Variants in DLGAP2 observed in about 807,000 individuals in gnomAD.
DLGAP2 encodes the protein disks large-associated protein 2.
DLGAP2 carries 26 observed loss-of-function variants against 100.3 expected under a neutral mutation model. That is an observed-to-expected ratio of 0.26 (90% CI 0.19 to 0.36). The LOEUF (loss-of-function observed/expected upper bound fraction) is 0.36. DLGAP2 is among the 10% of genes least tolerant of loss of function. DLGAP2 has a pLI of 1.00. For synonymous variants in DLGAP2, 886 were observed against 630.1 expected, an observed-to-expected ratio of 1.41 and a Z score of -6.08; for missense variants, 1,858 against 1,453.2, an observed-to-expected ratio of 1.28 and a Z score of -4.53.
intron 3 of DLGAP2, chr8:1,297,182 C>G (rs190072477): frequency 6.6e-6 from 1 of 152,318 alleles, no homozygotes; most frequent in East Asian, 1.9e-4. Context: ...GCAATCACAG[C>G]GATGAGAATG....
At chr8:1,178,188 GATAGTAGTTAAATGTGC>G in intron 2 of DLGAP2, among the ~76,000 whole-genome samples, 1 of 152,374 alleles carries the variant, frequency 6.6e-6, no homozygotes, top group African/African-American at 2.4e-5. Flanking sequence ...AATTCAGGAA[GATAGTAGTTAAATGTGC>G]ATAAGCAGGT....
At chr8:1,157,853 C>T (rs1366179701) in intron 2 of DLGAP2, among the ~76,000 whole-genome samples, 1 of 152,190 alleles carries the variant, frequency 6.6e-6, no homozygotes. Flanking sequence ...CAAAGCATGT[C>T]CCAGGCGCTA....
chr8:1,290,198 C>T (rs1585226862), intron 3 of DLGAP2, among the ~76,000 whole-genome samples: 1 of 152,296 alleles, frequency 6.6e-6, no homozygotes, highest in East Asian at 1.9e-4. Context: ...GTCAGCTAGA[C>T]TCGAACAAAA....
At position 1,557,619 on chromosome 8, in the gene DLGAP2, C is replaced by T. The variant is rs139866949; in HGVS notation, c.1230+7936C>T. Among the ~76,000 whole-genome samples, 305 of 152,272 alleles carry T rather than the reference C, an allele frequency of 2.0e-3. 2 individuals carry two copies. Among genetic ancestry groups the T allele is most frequent in the African/African-American group, 6.8e-3 (284 of 41,560 alleles). ...GCTCGGGTGCCATGACGGGCATACACACCCGGGGGGCGTGTAAAGGCACAT... is the reference window on the plus strand; with the variant it reads ...GCTCGGGTGCCATGACGGGCATACATACCCGGGGGGCGTGTAAAGGCACAT... On this transcript the variant is annotated intron_variant, in intron 5 of 14. Transcript: ENST00000637795.
chr8:1,465,550 G>T (rs1204645849), intron 3 of DLGAP2, among the ~76,000 whole-genome samples: 1 of 152,308 alleles, frequency 6.6e-6, no homozygotes, highest in South Asian at 2.1e-4. Flanking sequence ...AAGGGAAGGG[G>T]CATGGAGTTT....
intron 1 of DLGAP2, among the ~76,000 whole-genome samples, chr8:808,366 C>A (rs1009793874): frequency 2.0e-5 from 3 of 152,102 alleles, no homozygotes; most frequent in African/African-American, 7.2e-5. Context: ...TGGTGTGGGG[C>A]CCTTATTTCC....
intron 4 of DLGAP2, among the ~76,000 whole-genome samples, chr8:1,531,992 G>T (rs573233070): frequency 1.3e-5 from 2 of 152,196 alleles, no homozygotes; most frequent in African/African-American, 4.8e-5. Context: ...ATTAATATAC[G>T]TAAGAAGTAC....
chr8:1,139,172 C>T (rs1383868276), intron 2 of DLGAP2, among the ~76,000 whole-genome samples: 2 of 152,194 alleles, frequency 1.3e-5, no homozygotes, highest in African/African-American at 4.8e-5. Flanking sequence ...GGGTGGCCTG[C>T]TGGGCTGCCT....
chr8:833,609 C>G (rs1215923521), intron 1 of DLGAP2, among the ~76,000 whole-genome samples: 1 of 152,212 alleles, frequency 6.6e-6, no homozygotes, highest in Non-Finnish European at 1.5e-5. Flanking sequence ...TCCAGGATCA[C>G]CCCTGTCTCA....
intron 6 of DLGAP2, among the ~76,000 whole-genome samples, chr8:1,595,882 A>G (rs1796442720): frequency 7.3e-6 from 1 of 137,826 alleles, no homozygotes; most frequent in African/African-American, 2.5e-5. Context: ...TAATTTTATT[A>G]TTATTATACT....
chr8:780,626 C>T lies in DLGAP2; in HGVS notation c.18+42801C>T, dbSNP rs578064591. Among the ~76,000 whole-genome samples, 23 of 152,372 alleles carry T rather than the reference C, an allele frequency of 1.5e-4. No individual in the cohort carries two copies. In the East Asian group the frequency reaches 4.4e-3, roughly 29 times the overall value. On this transcript the variant is annotated intron_variant, in intron 1 of 14. Coordinates refer to ENST00000637795, the MANE Select transcript of DLGAP2 (RefSeq NM_001346810.2). ...TCCCCTTCACCCATATCCTCAGCCA[C>T]ATTTACCGTTGCTCCTTTTGAAAAT...
At chr8:1,002,079 T>C (rs1463354131) in intron 2 of DLGAP2, 1 of 152,216 alleles carries the variant, frequency 6.6e-6, no homozygotes, top group Non-Finnish European at 1.5e-5. Context: ...TTCCACCTGC[T>C]TAAATGAACG....
At chr8:1,697,520 G>A (rs913873250) in intron 14 of DLGAP2, among the ~76,000 whole-genome samples, 3 of 152,168 alleles carry the variant, frequency 2.0e-5, no homozygotes, top group African/African-American at 7.2e-5. Context: ...GGGCATGGGT[G>A]GTAAATAATA....
chr8:979,793 A>G (rs1284025216), intron 2 of DLGAP2, among the ~76,000 whole-genome samples: 1 of 152,186 alleles, frequency 6.6e-6, no homozygotes. Context: ...GAGATGTAAC[A>G]GTTTTGTCAC....
At chr8:996,648 G>C (rs984628279) in intron 2 of DLGAP2, among the ~76,000 whole-genome samples, 1 of 152,178 alleles carries the variant, frequency 6.6e-6, no homozygotes, top group South Asian at 2.1e-4. Context: ...GGTTTTGTCT[G>C]TTCAGTAGTT....
chr8:1,636,880 T>G (rs554632261), intron 8 of DLGAP2, among the ~76,000 whole-genome samples: 1 of 152,338 alleles, frequency 6.6e-6, no homozygotes, highest in South Asian at 2.1e-4. Context: ...GGGCTGATCA[T>G]AAAACGTTTT....
intron 2 of DLGAP2, among the ~76,000 whole-genome samples, chr8:1,201,656 G>T (rs140530703): frequency 6.6e-6 from 1 of 152,204 alleles, no homozygotes; most frequent in Admixed American, 6.5e-5. Context: ...CTGGTTCAGT[G>T]CCTGTTTGTC....
At chr8:1,666,061 G>A (rs570040791) in intron 8 of DLGAP2, among the ~76,000 whole-genome samples, 2 of 152,226 alleles carry the variant, frequency 1.3e-5, no homozygotes, top group South Asian at 2.1e-4. Flanking sequence ...AGTCCCCAAC[G>A]CGTCCCACCC....
intron 3 of DLGAP2, among the ~76,000 whole-genome samples, chr8:1,281,327 C>T (rs1799809350): frequency 1.3e-5 from 2 of 152,180 alleles, no homozygotes; most frequent in African/African-American, 4.8e-5. Flanking sequence ...CCGCCCCTCG[C>T]TCCCGGCGAA....
Sources: gnomAD v4.1 joint callset for allele counts (sites outside exome capture counted in the v4.1 genomes callset) on GRCh38, gnomAD v4.1.1 for gene constraint, MANE v1.5 for transcripts, NCBI Gene and HGNC (gene_info 2026-07-23, HGNC 2026-07-21) for gene names.